Variants in COL24A1 observed in about 807,000 individuals in gnomAD.
COL24A1 encodes the protein collagen alpha-1(XXIV) chain.
COL24A1 carries 224 observed loss-of-function variants against 253.9 expected under a neutral mutation model. The ratio of observed to expected loss-of-function variants is 0.88; its 90% CI spans 0.79 to 0.99. The LOEUF (loss-of-function observed/expected upper bound fraction) is 0.99, where lower values mean the gene tolerates loss of function less well. COL24A1 is among the 50% of genes least tolerant of loss of function. The pLI is 0.00. For missense variants in COL24A1, 2,131 were observed against 2,068.5 expected, an observed-to-expected ratio of 1.03 and a Z score of -0.59; for synonymous variants, 685 against 673.7, an observed-to-expected ratio of 1.02 and a Z score of -0.26.
At chr1:85,883,012 A>G (rs141468682) in intron 32 of COL24A1, among the ~76,000 whole-genome samples, 12 of 152,258 alleles carry the variant, frequency 7.9e-5, no homozygotes, top group African/African-American at 2.9e-4. Context: ...TTGCTTTCCT[A>G]TTCACTTTGG....
chr1:85,761,099 T>C (rs780228655), intron 55 of COL24A1, among the ~76,000 whole-genome samples: 2 of 152,018 alleles, frequency 1.3e-5, no homozygotes, highest in African/African-American at 2.4e-5. Context: ...GAAATGGAGA[T>C]AATTAGTTTT....
chr1:86,131,811 G>A (rs997362770), intron 2 of COL24A1, among the ~76,000 whole-genome samples: 13 of 151,904 alleles, frequency 8.6e-5, no homozygotes, highest in Admixed American at 3.9e-4. Flanking sequence ...GAATAGTGCC[G>A]CAATAAACAT....
chr1:86,139,347 A>G (rs560025661), intron 2 of COL24A1, among the ~76,000 whole-genome samples: 87 of 152,286 alleles, frequency 5.7e-4, no homozygotes, highest in South Asian at 5.0e-3. Context: ...TGGGGGGAAT[A>G]TAGTATATGC....
At chr1:85,830,542 G>C (rs1266960783) in intron 43 of COL24A1, among the ~76,000 whole-genome samples, 1 of 152,140 alleles carries the variant, frequency 6.6e-6, no homozygotes, top group Non-Finnish European at 1.5e-5. Flanking sequence ...CTTGCAGTTT[G>C]ATCTCAGACT....
At chr1:86,059,350 A>G (rs1021647006) in intron 8 of COL24A1, among the ~76,000 whole-genome samples, 176 bp from the exon 9 acceptor site, 2 of 152,188 alleles carry the variant, frequency 1.3e-5, no homozygotes, top group African/African-American at 4.8e-5. Context: ...GCTAAATAAA[A>G]TCAGTAAACT....
chr1:85,875,716 GACACACACACACACACACACACACAC>G (rs141827930), intron 33 of COL24A1, among the ~76,000 whole-genome samples: 17 of 141,080 alleles, frequency 1.2e-4, no homozygotes, highest in East Asian at 4.1e-4. Context: ...CATTATAAAA[GACACACACACACACACACACACACAC>G]ACACACACAC....
intron 24 of COL24A1, among the ~76,000 whole-genome samples, chr1:85,916,578 C>T (rs1685920025): frequency 6.6e-6 from 1 of 152,082 alleles, no homozygotes; most frequent in South Asian, 2.1e-4. Context: ...CCCAGCTACT[C>T]ATGAAGCTGA....
At chr1:85,945,005 T>TTTTTG in intron 24 of COL24A1, among the ~76,000 whole-genome samples, 1 of 58,362 alleles carries the variant, frequency 1.7e-5, no homozygotes, top group South Asian at 9.3e-4. Context: ...TCATTGTGTT[T>TTTTTG]TTTTTTTTTT....
chr1:86,079,541 T>C (rs1702487907), intron 7 of COL24A1, among the ~76,000 whole-genome samples: 1 of 152,138 alleles, frequency 6.6e-6, no homozygotes, highest in South Asian at 2.1e-4. Flanking sequence ...AGAAAATATT[T>C]GCAAACTACC....
At chr1:85,741,336 A>C (rs569532383) in intron 57 of COL24A1, among the ~76,000 whole-genome samples, 1 of 152,164 alleles carries the variant, frequency 6.6e-6, no homozygotes, top group African/African-American at 2.4e-5. Context: ...TATTTGTGGA[A>C]ATAGTTTGAG....
intron 3 of COL24A1, among the ~76,000 whole-genome samples, chr1:86,118,624 T>G (rs2102212898): frequency 6.6e-6 from 1 of 152,180 alleles, no homozygotes; most frequent in South Asian, 2.1e-4. Flanking sequence ...AGACATACAT[T>G]AACAGATAAA....
rs531583511 is a variant in COL24A1, at chr1:85,942,694, C to T, written c.2562+18555G>A. Reference sequence around the variant, plus strand: ...AATCAAAATCCTCAACATTAAAATCCCTAATGTTGAAATCCTGAAAGTTGA... The same window carrying T: ...AATCAAAATCCTCAACATTAAAATCTCTAATGTTGAAATCCTGAAAGTTGA... On this transcript the variant is annotated intron_variant, in intron 24 of 59. Transcript: ENST00000370571. Among the ~76,000 whole-genome samples the T allele has an allele frequency of 1.9e-4, 29 of 152,148 alleles. No homozygotes were observed. In the South Asian group the frequency reaches 4.4e-3, roughly 23 times the overall value.
chr1:85,847,871 G>A, intron 38 of COL24A1, 99 bp from the exon 39 acceptor site: 1 of 681,082 alleles, frequency 1.5e-6, no homozygotes, highest in Non-Finnish European at 2.5e-6. Flanking sequence ...GGATTATCTG[G>A]TTAACAGTAT....
intron 37 of COL24A1, among the ~76,000 whole-genome samples, chr1:85,859,882 C>T (rs1678939899): frequency 6.6e-6 from 1 of 152,130 alleles, no homozygotes; most frequent in Non-Finnish European, 1.5e-5. Flanking sequence ...ATTTGGGAGG[C>T]TGAGGCAGGA....
At chr1:85,957,006 C>T (rs971412444) in intron 24 of COL24A1, among the ~76,000 whole-genome samples, 4 of 152,166 alleles carry the variant, frequency 2.6e-5, no homozygotes, top group South Asian at 2.1e-4. Flanking sequence ...GAAAATGTGA[C>T]GCATATACAC....
chr1:85,999,668 A>T (rs1695210637), intron 19 of COL24A1, among the ~76,000 whole-genome samples: 2 of 151,764 alleles, frequency 1.3e-5, no homozygotes, highest in East Asian at 1.9e-4. Flanking sequence ...AAAAAAGAAA[A>T]GAAAAGAAAA....
intron 17 of COL24A1, 100 bp downstream of exon 17, chr1:86,022,438 A>C: frequency 7.6e-7 from 1 of 1,309,876 alleles, no homozygotes; most frequent in Non-Finnish European, 1.1e-6. Flanking sequence ...CCATATTGAT[A>C]CCACATTCTA....
At chr1:86,104,733 G>A (rs978540767) in intron 5 of COL24A1, among the ~76,000 whole-genome samples, 1 of 152,192 alleles carries the variant, frequency 6.6e-6, no homozygotes, top group African/African-American at 2.4e-5. Context: ...GCCCTTCAAG[G>A]TTAGGATCCC....
intron 12 of COL24A1, among the ~76,000 whole-genome samples, chr1:86,037,043 T>C (rs1330559814): frequency 6.6e-6 from 1 of 152,208 alleles, no homozygotes; most frequent in Non-Finnish European, 1.5e-5. Context: ...AGTCACATTG[T>C]TGCTTCTGTG....
Sources: allele counts gnomAD v4.1 joint callset (sites outside exome capture counted in the v4.1 genomes callset), GRCh38; gene constraint gnomAD v4.1.1; transcripts MANE v1.5; gene names NCBI Gene and HGNC (gene_info 2026-07-23, HGNC 2026-07-21).